Variants in SREBF2 observed in about 807,000 individuals in gnomAD.
SREBF2 encodes sterol regulatory element-binding protein 2.
A neutral mutation model predicts 113.1 loss-of-function variants in SREBF2; 55 were observed. That is an observed-to-expected ratio of 0.49 (90% confidence interval 0.39 to 0.61). The LOEUF (loss-of-function observed/expected upper bound fraction) is 0.61, where lower values mean the gene tolerates loss of function less well. Ranked by LOEUF, SREBF2 falls within the 20% of genes least tolerant of loss-of-function variation. The probability of loss-of-function intolerance (pLI) is 0.00; values close to 1 mark genes in which losing one functional copy is unlikely to be tolerated. For synonymous variants in SREBF2, 593 were observed against 605.7 expected, an observed-to-expected ratio of 0.98 and a Z score of 0.31; for missense variants, 1,349 against 1,487.4, an observed-to-expected ratio of 0.91 and a Z score of 1.53.
At chr22:41,899,464 G>T (rs902797942) in intron 15 of SREBF2, 8 of 995,488 alleles carry the variant, frequency 8.0e-6, no homozygotes, top group Non-Finnish European at 8.4e-6. Flanking sequence ...AAGACAGAAA[G>T]GCCCCACGAG....
chr22:41,904,047 GC>G (rs2077485476), intron 17 of SREBF2, among the ~76,000 whole-genome samples: 1 of 152,220 alleles, frequency 6.6e-6, no homozygotes. Context: ...GGCATCAGTG[GC>G]CTTTTTTTCA....
intron 1 of SREBF2, among the ~76,000 whole-genome samples, chr22:41,838,765 AC>A (rs1191716996): frequency 6.6e-6 from 1 of 151,994 alleles, no homozygotes; most frequent in Non-Finnish European, 1.5e-5. Flanking sequence ...AGAAAATTGA[AC>A]GGTGGTGATA....
intron 12 of SREBF2, among the ~76,000 whole-genome samples, chr22:41,894,173 T>C (rs12157312): frequency 0.14 from 21,280 of 152,164 alleles, 2,205 homozygotes; most frequent in African/African-American, 0.3. Context: ...GCCTTGTTAC[T>C]TGGAATGTGT....
intron 3 of SREBF2, among the ~76,000 whole-genome samples, chr22:41,869,300 T>C (rs558491465): frequency 0.017 from 2,632 of 152,032 alleles, 82 homozygotes; most frequent in African/African-American, 0.059. Flanking sequence ...AGACGGGATG[T>C]TGGCCAGGCT....
chr22:41,862,630 A>G (rs2148369733), intron 1 of SREBF2, among the ~76,000 whole-genome samples: 1 of 152,372 alleles, frequency 6.6e-6, no homozygotes, highest in South Asian at 2.1e-4. Context: ...AGCAGGGAAC[A>G]GTGAGGAGCC....
chr22:41,891,744 G>A (rs1475051853), intron 11 of SREBF2, among the ~76,000 whole-genome samples: 1 of 152,172 alleles, frequency 6.6e-6, no homozygotes, highest in Non-Finnish European at 1.5e-5. Flanking sequence ...CCCCGCCCCT[G>A]GGCTCCCTGG....
In SREBF2 at chr22:41,900,398, A is replaced by T; in HGVS notation, c.2807A>T (p.Asp936Val). The change falls in exon 16 of 19, where the codon GAT becomes GTT. Residue 936 changes from aspartate to valine, a missense_variant. Around this residue, in one of 2 missense-constraint regions of SREBF2, gnomAD observed 650 missense variants for 644.1 expected, o/e 1.01. Coordinates refer to ENST00000361204, the MANE Select transcript of SREBF2 (RefSeq NM_004599.4). ...AMHASLPGKADGQQSSFCHCE... is the reference protein window; with the variant it reads ...AMHASLPGKAVGQQSSFCHCE... ...CATGCCTCACTCCCTGGGAAAGCAG[A>T]TGGGCAGCAGAGTTCCTTCTGCCAT... 2 of 1,613,912 alleles carry T rather than the reference A, an allele frequency of 1.2e-6. No individual in the cohort carries two copies. The highest frequency in any genetic ancestry group is 1.7e-6 in the Non-Finnish European group (2 of 1,180,040).
intron 1 of SREBF2, among the ~76,000 whole-genome samples, chr22:41,837,969 C>A (rs1178098083): frequency 6.6e-6 from 1 of 152,060 alleles, no homozygotes; most frequent in Non-Finnish European, 1.5e-5. Flanking sequence ...GCTAGTTGAT[C>A]TCTGGGGTCT....
At chr22:41,848,016 T>C (rs1378694552) in intron 1 of SREBF2, among the ~76,000 whole-genome samples, 2 of 151,664 alleles carry the variant, frequency 1.3e-5, no homozygotes, top group Non-Finnish European at 2.9e-5. Context: ...CCCGGGTTCA[T>C]GGCATTCTCC....
chr22:41,893,084 T>C (rs370640324), intron 11 of SREBF2, 33 bp from the exon 12 acceptor site: 3 of 1,611,036 alleles, frequency 1.9e-6, no homozygotes, highest in Non-Finnish European at 2.5e-6. Context: ...TTCTGCCACC[T>C]TGGTGTTACC....
intron 10 of SREBF2, among the ~76,000 whole-genome samples, chr22:41,883,040 G>C (rs2077264003): frequency 6.6e-6 from 1 of 152,242 alleles, no homozygotes; most frequent in South Asian, 2.1e-4. Context: ...CTGGGAGGTA[G>C]ATCGAGGCTG....
chr22:41,873,878 A>G lies in SREBF2; in HGVS notation c.948A>G (p.Val316=), dbSNP rs1254981545. The G allele has an allele frequency of 6.2e-7, 1 of 1,613,878 alleles. No individual in the cohort carries two copies. Among genetic ancestry groups the G allele is most frequent in the African/African-American group, 1.3e-5 (1 of 74,936 alleles). ...MGQEKVPIKQ[V]PGGVKQLEPP... is the part of the protein sequence containing the mutation. ...AAGAGAAAGTGCCCATTAAGCAGGT[A>G]CCTGGGGGAGTCAAGCAGCTTGAGC... Residue 316 remains valine, a synonymous_variant, in exon 5 of 19, where the codon GTA becomes GTG. Coordinates refer to ENST00000361204, the MANE Select transcript of SREBF2 (RefSeq NM_004599.4).
chr22:41,835,104 C>T (rs1359561436), intron 1 of SREBF2, among the ~76,000 whole-genome samples: 3 of 152,054 alleles, frequency 2.0e-5, no homozygotes, highest in Non-Finnish European at 4.4e-5. Flanking sequence ...ATTCCTATTC[C>T]ATGATCAATT....
At position 41,835,597 on chromosome 22, in the gene SREBF2, A is replaced by C. The variant is rs144565008; in HGVS notation, c.88+2239A>C. 2.7e-3 allele frequency among the ~76,000 whole-genome samples: 407 copies of C among 151,782 alleles called. 17 individuals are homozygous for C. In the East Asian group the frequency reaches 0.062, roughly 23 times the overall value. ...AGTGCTGAGATTACAGGCATGAGCCACTGTACCTGGCCGAGCCACCGTGCC... is the reference window on the plus strand; with the variant it reads ...AGTGCTGAGATTACAGGCATGAGCCCCTGTACCTGGCCGAGCCACCGTGCC... On this transcript the variant is annotated intron_variant, in intron 1 of 18. Coordinates refer to ENST00000361204, the MANE Select transcript of SREBF2 (RefSeq NM_004599.4).
chr22:41,893,382 C>G (rs2077382727), intron 12 of SREBF2, 97 bp downstream of exon 12: 11 of 1,357,536 alleles, frequency 8.1e-6, no homozygotes, highest in Non-Finnish European at 1.1e-5. Flanking sequence ...CACGGGTTGT[C>G]TCTTAATCTT....
intron 16 of SREBF2, chr22:41,900,825 G>T: frequency 2.0e-6 from 1 of 510,692 alleles, no homozygotes; most frequent in Non-Finnish European, 3.8e-6. Flanking sequence ...CGGTTTGCGT[G>T]ACTTCCCAGG....
At chr22:41,864,325 T>TATATA (rs35089584) in intron 1 of SREBF2, among the ~76,000 whole-genome samples, 47 of 71,072 alleles carry the variant, frequency 6.6e-4, no homozygotes, top group African/African-American at 2.8e-3. Flanking sequence ...ATATATATAT[T>TATATA]TTTTTTTTTT....
intron 1 of SREBF2, among the ~76,000 whole-genome samples, chr22:41,843,448 T>A (rs868637857): frequency 6.6e-6 from 1 of 152,262 alleles, no homozygotes; most frequent in African/African-American, 2.4e-5. Context: ...TGCCTTAACC[T>A]ACATTCGTCT....
At chr22:41,902,897 G>A in intron 16 of SREBF2, 73 bp from the exon 17 acceptor site, 1 of 1,498,428 alleles carries the variant, frequency 6.7e-7, no homozygotes, top group East Asian at 2.4e-5. Flanking sequence ...GGAGAGGCCT[G>A]GTAGGTGCTA....
Sources: gnomAD v4.1 joint callset for allele counts (sites outside exome capture counted in the v4.1 genomes callset) on GRCh38, gnomAD v4.1.1 for gene constraint, gnomAD v4.1.1 regional missense constraint, MANE v1.5 for transcripts, NCBI Gene and HGNC (gene_info 2026-07-23, HGNC 2026-07-21) for gene names.